MARCHF1: variants seen among roughly 807,000 people sequenced by gnomAD.
MARCHF1 encodes E3 ubiquitin-protein ligase MARCHF1.
Under a neutral mutation model 54.2 loss-of-function variants are expected in MARCHF1, and 40 were observed. The ratio of observed to expected loss-of-function variants is 0.74; its 90% CI spans 0.57 to 0.96. The LOEUF (loss-of-function observed/expected upper bound fraction) is 0.96. Among genes scored for constraint, MARCHF1 ranks in the 40% least tolerant of loss-of-function variants. MARCHF1 has a pLI of 0.00. For missense variants in MARCHF1, 586 were observed against 656.5 expected (o/e 0.89, Z 1.17); for synonymous variants, 236 against 236.3 (o/e 1.00, Z 0.01).
intron 1 of MARCHF1, among the ~76,000 whole-genome samples, chr4:164,297,975 A>C (rs1734453943): frequency 6.6e-6 from 1 of 152,168 alleles, no homozygotes; most frequent in Non-Finnish European, 1.5e-5. Context: ...TTCTGATATA[A>C]CTTCATAAGA....
chr4:164,202,325 G>A (rs1346028860), intron 1 of MARCHF1, among the ~76,000 whole-genome samples: 1 of 152,184 alleles, frequency 6.6e-6, no homozygotes, highest in Non-Finnish European at 1.5e-5. Flanking sequence ...GTGAGAGAAT[G>A]CAGTAGATAT....
At chr4:164,164,948 T>C (rs1476629603) in intron 1 of MARCHF1, among the ~76,000 whole-genome samples, 1 of 151,902 alleles carries the variant, frequency 6.6e-6, no homozygotes, top group Non-Finnish European at 1.5e-5. Flanking sequence ...TCTAGAATCA[T>C]AAAATAATCA....
intron 4 of MARCHF1, among the ~76,000 whole-genome samples, chr4:163,737,972 C>CTAA: frequency 1.3e-5 from 1 of 76,456 alleles, no homozygotes; most frequent in Admixed American, 1.3e-4. Flanking sequence ...ATGTTTATTG[C>CTAA]GGCACTATTC....
At chr4:163,591,781 T>C (rs1740599911) in intron 7 of MARCHF1, among the ~76,000 whole-genome samples, 1 of 152,144 alleles carries the variant, frequency 6.6e-6, no homozygotes. Flanking sequence ...AAGTGAGAAA[T>C]TGTGATCCTT....
At chr4:163,984,768 T>C (rs1021057742) in intron 3 of MARCHF1, among the ~76,000 whole-genome samples, 5 of 152,164 alleles carry the variant, frequency 3.3e-5, no homozygotes, top group African/African-American at 4.8e-5. Context: ...AATTACAGCA[T>C]AGTAAGTGGT....
chr4:163,880,220 A>G (rs916547527), intron 3 of MARCHF1, among the ~76,000 whole-genome samples: 94 of 151,664 alleles, frequency 6.2e-4, no homozygotes, highest in Non-Finnish European at 1.5e-4. Context: ...ATGCTGATCA[A>G]TACATTAGCA....
At chr4:164,033,691 A>G (rs1484019969) in intron 2 of MARCHF1, among the ~76,000 whole-genome samples, 1 of 152,222 alleles carries the variant, frequency 6.6e-6, no homozygotes, top group Non-Finnish European at 1.5e-5. Context: ...ATCACTGATC[A>G]TCAGAGAAAT....
Position 163,632,236 on chromosome 4 carries a change from G to T in MARCHF1, c.163-18843C>A, listed in dbSNP as rs1037496591. Among the ~76,000 whole-genome samples the T allele has an allele frequency of 3.9e-5, 6 of 152,130 alleles. No homozygotes were observed. In the South Asian group the frequency reaches 8.3e-4, roughly 21 times the overall value. On this transcript the variant is annotated intron_variant, in intron 5 of 9. Transcript: ENST00000514618. ...CCAAATCTCATGTTGAAATGTAGGG[G>T]GAGGAGCCAAGATGGCCGAATAGGA... is the stretch of plus-strand genomic sequence containing the variant.
At chr4:163,942,333 T>C (rs1751929090) in intron 3 of MARCHF1, among the ~76,000 whole-genome samples, 1 of 152,190 alleles carries the variant, frequency 6.6e-6, no homozygotes, top group African/African-American at 2.4e-5. Flanking sequence ...TTTAGAAGCA[T>C]ACCCTTCTGG....
In MARCHF1 at chr4:163,806,761, G is replaced by T. The variant is rs1748235570; in HGVS notation, c.111+47260C>A. On this transcript the variant is annotated intron_variant, in intron 4 of 9. Coordinates refer to ENST00000514618, the MANE Select transcript of MARCHF1 (RefSeq NM_001394959.1). ...CAGCTACTCTTTTCCCAAGTTAAAA[G>T]GTTTCCATTCTCACTTTTATGGATC... is the stretch of plus-strand genomic sequence containing the variant. Among the ~76,000 whole-genome samples, 3 of 152,152 alleles carry T rather than the reference G, an allele frequency of 2.0e-5. 1 individual carries two copies. In the South Asian group the frequency reaches 6.2e-4, roughly 32 times the overall value.
intron 9 of MARCHF1, among the ~76,000 whole-genome samples, chr4:163,529,617 A>T (rs987641107): frequency 6.6e-6 from 1 of 152,054 alleles, no homozygotes; most frequent in Non-Finnish European, 1.5e-5. Context: ...GAGTACAAAC[A>T]TGCAAAAGAT....
chr4:164,129,032 G>T (rs1342930434), intron 1 of MARCHF1, among the ~76,000 whole-genome samples: 2 of 152,148 alleles, frequency 1.3e-5, no homozygotes, highest in Non-Finnish European at 2.9e-5. Flanking sequence ...CCACCTAATG[G>T]CTTCTGAATC....
At chr4:163,778,840 G>T (rs7689235) in intron 4 of MARCHF1, among the ~76,000 whole-genome samples, 3 of 152,022 alleles carry the variant, frequency 2.0e-5, no homozygotes, top group Non-Finnish European at 4.4e-5. Flanking sequence ...ATAGACAATA[G>T]AGACTAGAAT....
intron 2 of MARCHF1, among the ~76,000 whole-genome samples, chr4:164,043,331 T>C (rs532436659): frequency 3.7e-4 from 56 of 152,280 alleles, no homozygotes; most frequent in African/African-American, 1.3e-3. Flanking sequence ...ACCTAAACTT[T>C]TGCCTTATAT....
intron 3 of MARCHF1, among the ~76,000 whole-genome samples, chr4:163,907,162 T>C (rs1751088768): frequency 6.6e-6 from 1 of 152,096 alleles, no homozygotes; most frequent in Admixed American, 6.6e-5. Context: ...TCACATTAAC[T>C]GTATTTTCTT....
intron 4 of MARCHF1, among the ~76,000 whole-genome samples, chr4:163,712,548 C>T (rs1368037826): frequency 1.3e-5 from 2 of 152,118 alleles, no homozygotes; most frequent in Non-Finnish European, 2.9e-5. Flanking sequence ...CTTTTTGTTC[C>T]AGTCTCATGC....
chr4:163,633,986 C>G (rs1241858968), intron 5 of MARCHF1, among the ~76,000 whole-genome samples: 1 of 152,034 alleles, frequency 6.6e-6, no homozygotes, highest in Non-Finnish European at 1.5e-5. Flanking sequence ...ATTTCATATC[C>G]AGCCAAACTA....
At chr4:164,155,752 C>T (rs6835078) in intron 1 of MARCHF1, among the ~76,000 whole-genome samples, 28,962 of 151,978 alleles carry the variant, frequency 0.19, 4,398 homozygotes, top group African/African-American at 0.41. Flanking sequence ...TGGTTACAGA[C>T]TTCACCACTA....
At position 164,271,862 on chromosome 4, in the gene MARCHF1, C is replaced by T. The variant is rs1733752919; in HGVS notation, c.-323+112008G>A. On this transcript the variant is annotated intron_variant, in intron 1 of 9. Coordinates refer to ENST00000514618, the MANE Select transcript of MARCHF1 (RefSeq NM_001394959.1). Reference sequence around the variant, plus strand: ...CTATTTGGATGATATCATAAGGTGACAAATCATAAACTGTAATACTTGCAA... The same window carrying T: ...CTATTTGGATGATATCATAAGGTGATAAATCATAAACTGTAATACTTGCAA... 1.3e-5 allele frequency among the ~76,000 whole-genome samples: 2 copies of T among 151,828 alleles called. 1 individual carries two copies. The highest frequency in any genetic ancestry group is 4.2e-4 in the South Asian group (2 of 4,816).
Sources: allele counts gnomAD v4.1 joint callset (sites outside exome capture counted in the v4.1 genomes callset), GRCh38; gene constraint gnomAD v4.1.1; transcripts MANE v1.5; gene names NCBI Gene and HGNC (gene_info 2026-07-23, HGNC 2026-07-21).